Variants in GOLGA8M observed in about 807,000 individuals in gnomAD.
The protein encoded by GOLGA8M is golgin A8 family member M.
GOLGA8M carries 34 observed loss-of-function variants against 87.7 expected under a neutral mutation model. That is an observed-to-expected ratio of 0.39 (90% CI 0.29 to 0.52). GOLGA8M has a LOEUF of 0.52. Ranked by LOEUF, GOLGA8M falls within the 20% of genes least tolerant of loss-of-function variation. The probability of loss-of-function intolerance (pLI) is 0.80; values close to 1 mark genes in which losing one functional copy is unlikely to be tolerated. For missense variants in GOLGA8M, 396 were observed against 682.2 expected (o/e 0.58, Z 4.67); for synonymous variants, 138 against 250.2 (o/e 0.55, Z 4.23).
At chr15:28,708,803 C>T (rs1421745901) in intron 4 of GOLGA8M, among the ~76,000 whole-genome samples, 10 of 151,678 alleles carry the variant, frequency 6.6e-5, no homozygotes, top group Non-Finnish European at 1.0e-4. Context: ...AAAGGACAGA[C>T]AGGAGCCCTT....
intron 8 of GOLGA8M, among the ~76,000 whole-genome samples, chr15:28,707,493 CA>C (rs2080070282): frequency 6.9e-6 from 1 of 145,508 alleles, no homozygotes; most frequent in Non-Finnish European, 1.5e-5. Flanking sequence ...CCCAAGACCA[CA>C]GCCAGGTAAG....
intron 16 of GOLGA8M, 41 bp from the exon 17 acceptor site, chr15:28,702,603 G>A (rs549272543): frequency 5.9e-5 from 95 of 1,610,064 alleles, no homozygotes; most frequent in African/African-American, 4.4e-4. Context: ...CCCCTCCGAC[G>A]GTCCTGCAGC....
At chr15:28,703,449 C>T (rs1173458176) in intron 14 of GOLGA8M, 39 bp from the exon 15 acceptor site, 1 of 613,100 alleles carries the variant, frequency 1.6e-6, no homozygotes, top group Admixed American at 3.5e-5. Context: ...GACAACCCAA[C>T]AAGGGAGGTA....
rs927409729 is a variant in GOLGA8M, at chr15:28,698,965, C to T, written c.*2989G>A. On this transcript the variant is annotated 3_prime_UTR_variant, in exon 19 of 19. Coordinates refer to ENST00000563027, the MANE Select transcript of GOLGA8M (RefSeq NM_001282468.3). The stretch of plus-strand genomic sequence containing the variant: ...AATTGGCATTTCTTTCTCTGCTTTT[C>T]GTTCCCACTGTTTCTTTCTTTTATA... 2.8e-5 allele frequency among the ~76,000 whole-genome samples: 4 copies of T among 143,410 alleles called. No individual in the cohort carries two copies. Among genetic ancestry groups the T allele is most frequent in the Non-Finnish European group, 4.5e-5 (3 of 67,302 alleles). The allele number at this position is 143,410 out of a possible 152,430, so 94.1% of individuals were successfully genotyped here. A position where few individuals can be genotyped will look rare whatever the true frequency, so the allele number is the denominator to read the frequency against.
At chr15:28,704,663 C>T (rs2140918864) in intron 13 of GOLGA8M, among the ~76,000 whole-genome samples, 1 of 143,296 alleles carries the variant, frequency 7.0e-6, no homozygotes, top group African/African-American at 2.7e-5. Context: ...CTGCAACCTC[C>T]ACCTCCTGGG....
At chr15:28,705,121 C>T in intron 13 of GOLGA8M, 38 bp downstream of exon 13, 2 of 1,597,276 alleles carry the variant, frequency 1.3e-6, no homozygotes, top group Non-Finnish European at 1.7e-6. Flanking sequence ...CGCCTCCCAG[C>T]CCTTCTTGGA....
chr15:28,702,597 T>TCCGACGGTCCTGCAGCTCCC, intron 16 of GOLGA8M, 35 bp from the exon 17 acceptor site: 1 of 1,609,728 alleles, frequency 6.2e-7, no homozygotes, highest in South Asian at 1.1e-5. Flanking sequence ...CTGGGGCCCC[T>TCCGACGGTCCTGCAGCTCCC]CCGACGGTCC....
Position 28,702,698 on chromosome 15 carries a change from A to T in GOLGA8M, c.1416T>A (p.Leu472=), listed in dbSNP as rs80303640. The T allele has an allele frequency of 5.7e-6, 9 of 1,582,276 alleles. No individual in the cohort carries two copies. The highest frequency in any genetic ancestry group is 4.1e-5 in the African/African-American group (3 of 72,460). ...TGAAGCGAAGTTCTTGTTTCTTCACAAGCTCACTCAGGTCTGCCTTCTCCT... is the reference window on the plus strand; with the variant it reads ...TGAAGCGAAGTTCTTGTTTCTTCACTAGCTCACTCAGGTCTGCCTTCTCCT... ...HLEEKADLSE[L]VKKQELRFIQ... The change falls in exon 16 of 19, where the codon CTT becomes CTA. Residue 472 remains leucine, a synonymous_variant. Coordinates refer to ENST00000563027, the MANE Select transcript of GOLGA8M (RefSeq NM_001282468.3).
intron 8 of GOLGA8M, among the ~76,000 whole-genome samples, chr15:28,706,949 T>C (rs1278168423): frequency 1.4e-5 from 2 of 144,006 alleles, no homozygotes; most frequent in Non-Finnish European, 3.0e-5. Context: ...TTACTGTTAT[T>C]ATTACCACTG....
At chr15:28,712,854 C>A (rs766002561), upstream of GOLGA8M, among the ~76,000 whole-genome samples, 23 of 151,382 alleles carry the variant, frequency 1.5e-4, no homozygotes, top group Admixed American at 2.0e-4. Context: ...AACTGAGATA[C>A]AGATCCTATA....
At chr15:28,711,472 G>C (rs1437355937) in intron 1 of GOLGA8M, 43 of 985,010 alleles carry the variant, frequency 4.4e-5, no homozygotes, top group Non-Finnish European at 4.9e-5. Flanking sequence ...GCCACCCAGA[G>C]ATACCGTCAA....
Position 28,708,023 on chromosome 15 carries a change from T to C in GOLGA8M, c.411A>G (p.Thr137=). 1.9e-6 allele frequency: 3 copies of C among 1,591,914 alleles called. No individual in the cohort carries two copies. The highest frequency in any genetic ancestry group is 4.9e-5 in the East Asian group (2 of 40,604). The change falls in exon 7 of 19, where the codon ACA becomes ACG. Residue 137 remains threonine, a synonymous_variant. Transcript: ENST00000563027. ...TTAGTTCCTCTTTCTGTATGTTCAA[T>C]GTCTGGAGTTGAACCTTTGGGAGAA... The part of the protein sequence containing the change: ...AKRVLEVQLQ[T]LNIQKEELNT...
intron 8 of GOLGA8M, among the ~76,000 whole-genome samples, chr15:28,707,178 TG>T (rs1301098040): frequency 7.3e-6 from 1 of 136,208 alleles, no homozygotes; most frequent in Non-Finnish European, 1.5e-5. Flanking sequence ...TTGCTGGGGA[TG>T]GGGGCACAGA....
intron 17 of GOLGA8M, 29 bp from the exon 18 acceptor site, chr15:28,702,398 C>A: frequency 6.6e-7 from 1 of 1,519,460 alleles, no homozygotes; most frequent in Non-Finnish European, 8.8e-7. Flanking sequence ...AGCTGCCATG[C>A]CGCTGCCTGC....
chr15:28,701,437 G>C lies in GOLGA8M; in HGVS notation c.*517C>G, dbSNP rs1265822893. Among the ~76,000 whole-genome samples the C allele has an allele frequency of 6.6e-6, 1 of 151,822 alleles. No homozygotes were observed. Among genetic ancestry groups the C allele is most frequent in the Non-Finnish European group, 1.5e-5 (1 of 68,026 alleles). Reference sequence around the variant, plus strand: ...ACAACTCTAAATGTCAGTACTCATAGTGGCATATTACAAAGTAATAAACAG... The same window carrying C: ...ACAACTCTAAATGTCAGTACTCATACTGGCATATTACAAAGTAATAAACAG... On this transcript the variant is annotated 3_prime_UTR_variant, in exon 19 of 19. Coordinates refer to ENST00000563027, the MANE Select transcript of GOLGA8M (RefSeq NM_001282468.3).
intron 15 of GOLGA8M, among the ~76,000 whole-genome samples, 181 bp downstream of exon 15, chr15:28,703,138 T>C (rs1274894696): frequency 7.5e-6 from 1 of 133,432 alleles, no homozygotes; most frequent in African/African-American, 3.1e-5. Context: ...GCGCAGCCCC[T>C]TCCCTTGGGC....
At position 28,701,708 on chromosome 15, in the gene GOLGA8M, A is replaced by G. The variant is rs1325013205; in HGVS notation, c.*246T>C. Among the ~76,000 whole-genome samples, 1 of 152,020 alleles carries G rather than the reference A, an allele frequency of 6.6e-6. No individual in the cohort carries two copies. The highest frequency in any genetic ancestry group is 6.5e-5 in the Admixed American group (1 of 15,276). ...GGCAAACTCGATATGCATGCTAATG[A>G]CCTACAATTATGAAATTAAAAAAGA... is the stretch of plus-strand genomic sequence containing the variant. On this transcript the variant is annotated 3_prime_UTR_variant, in exon 19 of 19. Coordinates refer to ENST00000563027, the MANE Select transcript of GOLGA8M (RefSeq NM_001282468.3).
chr15:28,711,904 C>G (rs1429678137), intron 1 of GOLGA8M: 6 of 984,976 alleles, frequency 6.1e-6, no homozygotes, highest in Non-Finnish European at 6.0e-6. Flanking sequence ...CAGGGAGCCC[C>G]AGGAGTCACC....
chr15:28,713,199 T>C (rs1334398369), upstream of GOLGA8M, among the ~76,000 whole-genome samples: 1 of 150,800 alleles, frequency 6.6e-6, no homozygotes, highest in Non-Finnish European at 1.5e-5. Flanking sequence ...AGGCCGGATG[T>C]GGTGGCAGGC....
Sources: gnomAD v4.1 joint callset for allele counts (sites outside exome capture counted in the v4.1 genomes callset) on GRCh38, gnomAD v4.1.1 for gene constraint, MANE v1.5 for transcripts, NCBI Gene and HGNC (gene_info 2026-07-23, HGNC 2026-07-21) for gene names.